Variants in AZIN2 observed in about 807,000 individuals in gnomAD.
AZIN2 encodes antizyme inhibitor 2.
AZIN2 carries 28 observed loss-of-function variants against 47.8 expected under a neutral mutation model. That is an observed-to-expected ratio of 0.59 (90% CI 0.43 to 0.80). The LOEUF (loss-of-function observed/expected upper bound fraction) is 0.80, where lower values mean the gene tolerates loss of function less well. Among genes scored for constraint, AZIN2 ranks in the 30% least tolerant of loss-of-function variants. The pLI is 0.00. For missense variants in AZIN2, 535 were observed against 582.5 expected, an observed-to-expected ratio of 0.92 and a Z score of 0.84; for synonymous variants, 221 against 239.4, an observed-to-expected ratio of 0.92 and a Z score of 0.71.
the AZIN2 span, among the ~76,000 whole-genome samples, chr1:33,138,907 C>T: frequency 6.6e-6 from 1 of 152,180 alleles, no homozygotes; most frequent in Non-Finnish European, 1.5e-5. Flanking sequence ...TGGGCTTCTA[C>T]TTACACCACA....
At chr1:33,159,016 T>TA in the AZIN2 span, among the ~76,000 whole-genome samples, 2 of 150,570 alleles carry the variant, frequency 1.3e-5, no homozygotes, top group Non-Finnish European at 3.0e-5. This position sits in a 1 kb window ranked among gnomAD's most constrained non-coding sequence, Gnocchi z 4.2. Flanking sequence ...AATTTTTGTA[T>TA]TTTTTTTTAG....
At position 33,120,380 on chromosome 1, in the gene AZIN2, A is replaced by C; in HGVS notation, c.*198A>C. The C allele has an allele frequency of 1.4e-6, 1 of 728,868 alleles. No homozygotes were observed. Among genetic ancestry groups the C allele is most frequent in the East Asian group, 2.9e-5 (1 of 34,360 alleles). 45.2% of individuals were successfully genotyped at this position (728,868 alleles called of 1,614,324 possible). ...GCTGTAGTTCAAGTATGCAACATAA[A>C]TCCTGTTCCTTCCAGCTGTGTCTGC... On this transcript the variant is annotated 3_prime_UTR_variant, in exon 12 of 12. Coordinates refer to ENST00000294517, the MANE Select transcript of AZIN2 (RefSeq NM_052998.4).
chr1:33,145,217 G>T, the AZIN2 span, among the ~76,000 whole-genome samples: 1 of 152,116 alleles, frequency 6.6e-6, no homozygotes, highest in African/African-American at 2.4e-5. Flanking sequence ...TGCCAGCATG[G>T]GATATGGGAC....
At position 33,096,715 on chromosome 1, in the gene AZIN2, C is replaced by T. The variant is rs115719263; in HGVS notation, c.762C>T (p.Ser254=). The T allele has an allele frequency of 3.8e-4, 616 of 1,614,218 alleles. 3 individuals carry two copies. The African/African-American group carries it at 4.6e-3, about 12-fold the overall frequency. The part of the protein sequence containing the change: ...GAKVRFEEIA[S]VINSALDLYF... ...CATTCTCCTCCTACCAGATTGCTTC[C>T]GTGATCAACTCAGCCTTGGACCTGT... is the stretch of plus-strand genomic sequence containing the variant. Residue 254 remains serine (S), a synonymous_variant, in exon 9 of 12, where the codon TCC becomes TCT. Coordinates refer to ENST00000294517, the MANE Select transcript of AZIN2 (RefSeq NM_052998.4).
chr1:33,126,041 AG>A (rs1235777821), downstream of AZIN2, among the ~76,000 whole-genome samples: 2 of 152,208 alleles, frequency 1.3e-5, no homozygotes, highest in Non-Finnish European at 2.9e-5. Context: ...TTCCTGCCCC[AG>A]CATTCTATAA....
chr1:33,149,080 C>A, the AZIN2 span, among the ~76,000 whole-genome samples: 3 of 152,182 alleles, frequency 2.0e-5, no homozygotes, highest in Admixed American at 6.5e-5. Context: ...AAAGGCCCAC[C>A]CTTTGGGAAG....
intron 8 of AZIN2, among the ~76,000 whole-genome samples, chr1:33,096,338 C>A (rs1643147801): frequency 6.6e-6 from 1 of 152,062 alleles, no homozygotes; most frequent in Non-Finnish European, 1.5e-5. Flanking sequence ...ATAAGTGGAC[C>A]CACACGGTTC....
At chr1:33,099,273 C>G (rs540403324) in intron 10 of AZIN2, among the ~76,000 whole-genome samples, 10 of 152,176 alleles carry the variant, frequency 6.6e-5, no homozygotes, top group Non-Finnish European at 1.3e-4. Context: ...TAGGGAACCC[C>G]TCTCTCCCTC....
At chr1:33,106,708 A>C (rs1644021376) in intron 10 of AZIN2, among the ~76,000 whole-genome samples, 1 of 152,212 alleles carries the variant, frequency 6.6e-6, no homozygotes, top group Non-Finnish European at 1.5e-5. Context: ...ATTTGACAAA[A>C]TTCAGCATCC....
At chr1:33,128,134 G>A (rs761763823), downstream of AZIN2, among the ~76,000 whole-genome samples, 6 of 151,266 alleles carry the variant, frequency 4.0e-5, no homozygotes, top group Non-Finnish European at 5.9e-5. Flanking sequence ...GAGGCCGAAG[G>A]TGGAAGGATT....
chr1:33,145,583 G>A, the AZIN2 span: 1,865 of 185,824 alleles, frequency 0.01, 32 homozygotes, highest in African/African-American at 0.041. Flanking sequence ...AGAACCCCCT[G>A]TGTTTAGCTC....
chr1:33,098,474 T>G (rs1265684651), intron 10 of AZIN2, among the ~76,000 whole-genome samples: 1 of 152,202 alleles, frequency 6.6e-6, no homozygotes, highest in Non-Finnish European at 1.5e-5. Flanking sequence ...ACAACATGCT[T>G]TTGTATTTTA....
At chr1:33,095,481 A>G (rs536028141) in intron 8 of AZIN2, among the ~76,000 whole-genome samples, 51 of 152,336 alleles carry the variant, frequency 3.3e-4, no homozygotes, top group African/African-American at 1.1e-3. Context: ...TGGTTATAAT[A>G]AAAAATAGCG....
downstream of AZIN2, among the ~76,000 whole-genome samples, chr1:33,125,892 C>T (rs939969210): frequency 4.6e-5 from 7 of 152,072 alleles, no homozygotes; most frequent in Admixed American, 1.3e-4. Flanking sequence ...CTGGGAGTGA[C>T]GGCTCATTCT....
chr1:33,084,853 G>A (rs1641708110), intron 5 of AZIN2, among the ~76,000 whole-genome samples: 1 of 152,138 alleles, frequency 6.6e-6, no homozygotes, highest in Non-Finnish European at 1.5e-5. Flanking sequence ...ACCCGCCTCA[G>A]CCTCCTAAAG....
At chr1:33,128,975 G>A in the AZIN2 span, among the ~76,000 whole-genome samples, 7 of 152,188 alleles carry the variant, frequency 4.6e-5, no homozygotes, top group African/African-American at 7.2e-5. Flanking sequence ...TGCCGGCCAG[G>A]ATTAGGACAG....
At chr1:33,111,586 A>T in intron 10 of AZIN2, among the ~76,000 whole-genome samples, 1 of 152,016 alleles carries the variant, frequency 6.6e-6, no homozygotes, top group East Asian at 1.9e-4. Context: ...ATAAGAGATT[A>T]GTAGACAAAA....
At chr1:33,129,182 C>T in the AZIN2 span, among the ~76,000 whole-genome samples, 6 of 152,186 alleles carry the variant, frequency 3.9e-5, no homozygotes, top group East Asian at 1.9e-4. The surrounding 1 kb of genome is among the most constrained non-coding windows in gnomAD (Gnocchi z 4.1). Context: ...GGGCATATTA[C>T]GAAGAAGTGA....
intron 9 of AZIN2, 64 bp downstream of exon 9, chr1:33,096,933 G>A: frequency 6.2e-7 from 1 of 1,602,136 alleles, no homozygotes; most frequent in Non-Finnish European, 8.5e-7. Context: ...GGTTGGCTGA[G>A]CAGGATCTGG....
Sources: allele counts gnomAD v4.1 joint callset (sites outside exome capture counted in the v4.1 genomes callset), GRCh38; gene constraint gnomAD v4.1.1; non-coding constraint Gnocchi (gnomAD v3.1); transcripts MANE v1.5; gene names NCBI Gene and HGNC (gene_info 2026-07-23, HGNC 2026-07-21).